Variants in C4orf17 observed in about 807,000 individuals in gnomAD.
C4orf17 encodes the protein chromosome 4 open reading frame 17.
Under a neutral mutation model 32.0 loss-of-function variants are expected in C4orf17, and 25 were observed. The observed-to-expected ratio is 0.78, with a 90% CI of 0.57 to 1.09. C4orf17 has a LOEUF of 1.09. Among genes scored for constraint, C4orf17 ranks in the 50% least tolerant of loss-of-function variants. The pLI is 0.00. For synonymous variants in C4orf17, 149 were observed against 145.8 expected (o/e 1.02, Z -0.16); for missense variants, 420 against 420.0 (o/e 1.00, Z 0.00).
chr4:99,516,531 G>T (rs1046642468), intron 2 of C4orf17, among the ~76,000 whole-genome samples: 1 of 152,186 alleles, frequency 6.6e-6, no homozygotes, highest in Non-Finnish European at 1.5e-5. Context: ...CGAAGAGCCT[G>T]CCCTCAGGAG....
rs201328109 is a variant in C4orf17 at position 99,513,166 on chromosome 4, G to A, written c.85G>A (p.Val29Ile). 1.7e-5 allele frequency: 27 copies of A among 1,613,910 alleles called. No homozygotes were observed. The African/African-American group carries it at 2.1e-4, about 13-fold the overall frequency. ...IMARNVSCFL[V>I]RHTPHPRRVC... ...GGCTAGAAATGTAAGCTGCTTTCTAGTCAGGCACACCCCTCATCCCAGAAG... is the reference window on the plus strand; with the variant it reads ...GGCTAGAAATGTAAGCTGCTTTCTAATCAGGCACACCCCTCATCCCAGAAG... Residue 29 changes from valine (V) to isoleucine (I), a missense_variant, in exon 2 of 9, where the codon GTC becomes ATC. Physicochemically the swap from Val to Ile is conservative, Grantham distance 29. Coordinates refer to ENST00000326581, the MANE Select transcript of C4orf17 (RefSeq NM_032149.3).
chr4:99,540,434 G>C lies in C4orf17; in HGVS notation c.859G>C (p.Glu287Gln). 1.2e-6 allele frequency: 2 copies of C among 1,611,626 alleles called. No individual in the cohort carries two copies. Among genetic ancestry groups the C allele is most frequent in the Non-Finnish European group, 1.7e-6 (2 of 1,178,440 alleles). ...PTRVSSQGSEENKEVPKEAEH... is the reference protein window; with the variant it reads ...PTRVSSQGSEQNKEVPKEAEH... ...TAGAGTGTCAAGTCAAGGATCTGAA[G>C]AAAACAAGGAAGTACCAAAAGGTTA... The change falls in exon 8 of 9, where the codon GAA becomes CAA. Residue 287 changes from glutamate to glutamine, a missense_variant. Glu to Gln is a conservative substitution (Grantham distance 29). Transcript: ENST00000326581.
chr4:99,517,996 T>C (rs1723214940), intron 2 of C4orf17, among the ~76,000 whole-genome samples: 1 of 152,138 alleles, frequency 6.6e-6, no homozygotes, highest in Admixed American at 6.6e-5. Flanking sequence ...TTTGTAAAAC[T>C]GAAGTTCTTC....
At chr4:99,529,384 C>G (rs1490229698) in intron 4 of C4orf17, among the ~76,000 whole-genome samples, 2 of 152,214 alleles carry the variant, frequency 1.3e-5, no homozygotes, top group Non-Finnish European at 2.9e-5. Context: ...CAGCTGTTAG[C>G]TGTTACTTGC....
intron 6 of C4orf17, among the ~76,000 whole-genome samples, chr4:99,538,299 C>A (rs192380299): frequency 6.6e-6 from 1 of 152,318 alleles, no homozygotes; most frequent in Non-Finnish European, 1.5e-5. Context: ...GCTATCCTCA[C>A]TTGTAGCTGA....
chr4:99,525,322 C>T (rs4699753), intron 4 of C4orf17, among the ~76,000 whole-genome samples: 13,126 of 152,132 alleles, frequency 0.086, 1,030 homozygotes, highest in African/African-American at 0.19. Context: ...CCACGTCTTC[C>T]CCAAGCTTAG....
intron 2 of C4orf17, among the ~76,000 whole-genome samples, chr4:99,518,429 A>G (rs1271101454): frequency 7.1e-6 from 1 of 140,074 alleles, no homozygotes; most frequent in Non-Finnish European, 1.5e-5. Context: ...GGCTGCAATG[A>G]GCCATGATTG....
chr4:99,522,582 C>T lies in C4orf17; in HGVS notation c.210C>T (p.Tyr70=), dbSNP rs764402067. The T allele has an allele frequency of 1.9e-6, 3 of 1,613,868 alleles. No homozygotes were observed. The highest frequency in any genetic ancestry group is 2.2e-5 in the East Asian group (1 of 44,862). ...TGTGGGGAGTTGGCCAGTCTAACTA[C>T]TTAGAGAAGAACAGGATACCATTTG... is the stretch of plus-strand genomic sequence containing the variant. ...GTLWGVGQSN[Y]LEKNRIPFAN... The change falls in exon 3 of 9, where the codon TAC becomes TAT. Residue 70 remains tyrosine (Y), a synonymous_variant. Transcript: ENST00000326581.
intron 2 of C4orf17, among the ~76,000 whole-genome samples, chr4:99,521,025 TA>T (rs553932688): frequency 1.4e-4 from 22 of 152,312 alleles, no homozygotes; most frequent in South Asian, 1.0e-3. Flanking sequence ...GTTAATTTGT[TA>T]GATATTCTAA....
rs768749789 is a variant in C4orf17, at chr4:99,529,963, G to A, written c.546+5G>A. 4 of 1,602,858 alleles carry A rather than the reference G, an allele frequency of 2.5e-6. No individual in the cohort carries two copies. Among genetic ancestry groups the A allele is most frequent in the South Asian group, 1.1e-5 (1 of 88,792 alleles). ...TATCTGGATCAGGAAATAAAAGTAAGTATCAGGTTTATCAAATCCATAACT... is the reference window on the plus strand; with the variant it reads ...TATCTGGATCAGGAAATAAAAGTAAATATCAGGTTTATCAAATCCATAACT... On this transcript the variant is annotated splice_donor_5th_base_variant and intron_variant, in intron 5 of 8. Transcript: ENST00000326581.
At chr4:99,527,704 G>T (rs1723413936) in intron 4 of C4orf17, among the ~76,000 whole-genome samples, 1 of 152,202 alleles carries the variant, frequency 6.6e-6, no homozygotes, top group Admixed American at 6.5e-5. Context: ...CTCACATTCT[G>T]CTGTGCAGCA....
chr4:99,538,017 T>A (rs1449878195), intron 6 of C4orf17, among the ~76,000 whole-genome samples: 2 of 152,204 alleles, frequency 1.3e-5, no homozygotes, highest in Admixed American at 1.3e-4. Flanking sequence ...GGTCTTATTC[T>A]CAGCTAGAGT....
rs1211014135 is a variant in C4orf17, at chr4:99,525,387, T to C, written c.402+802T>C. ...CTACTGGGTATGTAGTAGTATCTTA[T>C]TGTGGTTTTAATTTGCATTTTCCTC... On this transcript the variant is annotated intron_variant, in intron 4 of 8. Transcript: ENST00000326581. Among the ~76,000 whole-genome samples, 7 of 152,322 alleles carry C rather than the reference T, an allele frequency of 4.6e-5. No individual in the cohort carries two copies. In the South Asian group the frequency reaches 1.2e-3, roughly 27 times the overall value.
chr4:99,518,038 C>T (rs1177700813), intron 2 of C4orf17, among the ~76,000 whole-genome samples: 3 of 152,114 alleles, frequency 2.0e-5, no homozygotes, highest in Non-Finnish European at 4.4e-5. Flanking sequence ...TCTTTCCCTT[C>T]CAATACTTCA....
chr4:99,541,710 T>G (rs972049746), intron 8 of C4orf17, 200 bp from the exon 9 acceptor site: 22 of 543,074 alleles, frequency 4.1e-5, no homozygotes, highest in Admixed American at 7.1e-5. Flanking sequence ...ATCCTGCATG[T>G]TACAGAACAA....
chr4:99,532,872 TAAG>T (rs780472366), intron 5 of C4orf17, among the ~76,000 whole-genome samples: 5 of 152,186 alleles, frequency 3.3e-5, no homozygotes, highest in Admixed American at 2.6e-4. Context: ...AGAGAGCCTT[TAAG>T]GAGAAAGGGA....
At position 99,542,059 on chromosome 4, in the gene C4orf17, T is replaced by C. The variant is rs1236540513; in HGVS notation, c.1030T>C (p.Tyr344His). ...KPVSARSIQE[Y>H]NLCPQRACYP... ...AGTGTCAGCAAGGAGTATACAAGAA[T>C]ACAACCTCTGTCCCCAAAGAGCATG... Residue 344 changes from tyrosine to histidine, a missense_variant, in exon 9 of 9, where the codon TAC becomes CAC. Coordinates refer to ENST00000326581, the MANE Select transcript of C4orf17 (RefSeq NM_032149.3). 14 of 1,613,992 alleles carry C rather than the reference T, an allele frequency of 8.7e-6. No individual in the cohort carries two copies. The highest frequency in any genetic ancestry group is 1.1e-5 in the Non-Finnish European group (13 of 1,179,992).
At chr4:99,536,892 G>A (rs1040575688) in intron 5 of C4orf17, among the ~76,000 whole-genome samples, 7 of 152,114 alleles carry the variant, frequency 4.6e-5, no homozygotes, top group Admixed American at 4.6e-4. Context: ...AAGTTATAGG[G>A]AATAGTCACG....
At chr4:99,516,589 C>T (rs906666501) in intron 2 of C4orf17, among the ~76,000 whole-genome samples, 10 of 152,072 alleles carry the variant, frequency 6.6e-5, no homozygotes, top group African/African-American at 2.2e-4. Flanking sequence ...ACATTAGTAA[C>T]AATAATATCT....
Sources: allele counts gnomAD v4.1 joint callset (sites outside exome capture counted in the v4.1 genomes callset), GRCh38; gene constraint gnomAD v4.1.1; transcripts MANE v1.5; gene names NCBI Gene and HGNC (gene_info 2026-07-23, HGNC 2026-07-21).